Variants in CNTN5 observed in about 807,000 individuals in gnomAD.
The protein encoded by CNTN5 is contactin 5, also known as contactin-5.
Under a neutral mutation model 129.1 loss-of-function variants are expected in CNTN5, and 77 were observed. The ratio of observed to expected loss-of-function variants is 0.60; its 90% confidence interval spans 0.50 to 0.72. CNTN5 has a LOEUF of 0.72. Among genes scored for constraint, CNTN5 ranks in the 30% least tolerant of loss-of-function variants. The pLI, the probability that CNTN5 is intolerant of heterozygous loss-of-function variation, is 0.00. For synonymous variants in CNTN5, 509 were observed against 465.6 expected (o/e 1.09, Z -1.20); for missense variants, 1,478 against 1,328.8 (o/e 1.11, Z -1.75).
At chr11:100,265,910 A>G (rs1465015903) in intron 17 of CNTN5, among the ~76,000 whole-genome samples, 1 of 152,112 alleles carries the variant, frequency 6.6e-6, no homozygotes, top group South Asian at 2.1e-4. Flanking sequence ...TAGCTGACAT[A>G]GTTTTTGATT....
At chr11:99,181,359 G>T (rs1011889196) in intron 1 of CNTN5, among the ~76,000 whole-genome samples, 1 of 152,150 alleles carries the variant, frequency 6.6e-6, no homozygotes, top group Non-Finnish European at 1.5e-5. Flanking sequence ...TGTCTCATTT[G>T]GGTTTGGGCA....
chr11:99,346,802 G>A (rs979194568), intron 2 of CNTN5, among the ~76,000 whole-genome samples: 4 of 152,148 alleles, frequency 2.6e-5, no homozygotes, highest in African/African-American at 4.8e-5. Flanking sequence ...ACACAAGCTC[G>A]CTCTCTCCTG....
At chr11:100,151,123 T>C (rs1295480024) in intron 13 of CNTN5, among the ~76,000 whole-genome samples, 1 of 152,134 alleles carries the variant, frequency 6.6e-6, no homozygotes, top group African/African-American at 2.4e-5. Flanking sequence ...TCTGTGGTAT[T>C]TTGTTGTATG....
chr11:99,334,813 T>C (rs1374307210), intron 2 of CNTN5, among the ~76,000 whole-genome samples: 1 of 119,988 alleles, frequency 8.3e-6, no homozygotes, highest in Non-Finnish European at 1.7e-5. Context: ...TAACAAAATA[T>C]ATTTTTTAAA....
chr11:99,123,861 G>A (rs911617227), intron 1 of CNTN5, among the ~76,000 whole-genome samples: 1 of 151,956 alleles, frequency 6.6e-6, no homozygotes, highest in African/African-American at 2.4e-5. Flanking sequence ...GGTTGTAGGT[G>A]TGTAGCATTA....
chr11:99,368,563 T>C (rs1193281214), intron 2 of CNTN5, among the ~76,000 whole-genome samples: 1 of 152,166 alleles, frequency 6.6e-6, no homozygotes, highest in Non-Finnish European at 1.5e-5. Context: ...TGACAATTAT[T>C]TCATAAGCTT....
intron 1 of CNTN5, among the ~76,000 whole-genome samples, chr11:99,319,081 G>C (rs1865458033): frequency 6.6e-6 from 1 of 152,106 alleles, no homozygotes; most frequent in South Asian, 2.1e-4. Context: ...TATAGGCTCT[G>C]TGGGGGAAAA....
At chr11:100,337,600 AT>A in intron 21 of CNTN5, 1 of 730,822 alleles carries the variant, frequency 1.4e-6, no homozygotes, top group East Asian at 2.9e-5. Flanking sequence ...GAGGATGATC[AT>A]TTTAAATCCA....
At chr11:99,074,476 C>A (rs1417715534) in intron 1 of CNTN5, among the ~76,000 whole-genome samples, 1 of 152,124 alleles carries the variant, frequency 6.6e-6, no homozygotes, top group Non-Finnish European at 1.5e-5. Context: ...AGGACATAGG[C>A]ATGGCCAAAG....
At chr11:99,502,460 G>C (rs1021185624) in intron 2 of CNTN5, among the ~76,000 whole-genome samples, 8 of 152,024 alleles carry the variant, frequency 5.3e-5, no homozygotes, top group East Asian at 1.9e-4. Flanking sequence ...AATAGTGAGT[G>C]AGTTCTAAGG....
At position 99,737,093 on chromosome 11, in the gene CNTN5, A is replaced by C. The variant is rs993867546; in HGVS notation, c.56-82451A>C. ...TTTGCCCTCTTTTTTTACTTTTGTC[A>C]AAGGGAAAAAACTCTTTAACCACCC... On this transcript the variant is annotated intron_variant, in intron 3 of 24. Coordinates refer to ENST00000524871, the MANE Select transcript of CNTN5 (RefSeq NM_014361.4). Among the ~76,000 whole-genome samples the C allele has an allele frequency of 5.9e-5, 9 of 151,878 alleles. No individual in the cohort carries two copies. In the East Asian group the frequency reaches 1.7e-3, roughly 29 times the overall value.
chr11:99,663,469 A>G (rs1055770073), intron 3 of CNTN5, among the ~76,000 whole-genome samples: 10 of 152,218 alleles, frequency 6.6e-5, no homozygotes, highest in Admixed American at 6.5e-5. Flanking sequence ...CTCCGTCTCA[A>G]AAAACAATGA....
At chr11:100,193,928 C>T (rs1181550278) in intron 15 of CNTN5, among the ~76,000 whole-genome samples, 1 of 151,846 alleles carries the variant, frequency 6.6e-6, no homozygotes, top group African/African-American at 2.4e-5. Flanking sequence ...TTACACAATA[C>T]TTCTCAAAAG....
At chr11:100,185,450 G>A (rs1292565855) in intron 13 of CNTN5, among the ~76,000 whole-genome samples, 1 of 152,080 alleles carries the variant, frequency 6.6e-6, no homozygotes, top group Non-Finnish European at 1.5e-5. Context: ...TTGTCCCTGA[G>A]AATGGGGCAG....
At chr11:99,282,683 G>T (rs1030278955) in intron 1 of CNTN5, among the ~76,000 whole-genome samples, 4 of 152,056 alleles carry the variant, frequency 2.6e-5, no homozygotes, top group African/African-American at 9.7e-5. Context: ...ACACAGAAAA[G>T]TTACCACTGA....
chr11:100,028,176 C>T (rs895113971), intron 9 of CNTN5, among the ~76,000 whole-genome samples: 2 of 151,956 alleles, frequency 1.3e-5, no homozygotes, highest in Non-Finnish European at 2.9e-5. Context: ...CAGTAAAGTA[C>T]TAATTTAACC....
chr11:100,265,751 G>T (rs1206229937), intron 17 of CNTN5, among the ~76,000 whole-genome samples: 1 of 152,076 alleles, frequency 6.6e-6, no homozygotes, highest in Non-Finnish European at 1.5e-5. Flanking sequence ...TCCTGCAAAT[G>T]AGACTAAAAT....
At chr11:99,309,466 C>G (rs1280903556) in intron 1 of CNTN5, among the ~76,000 whole-genome samples, 1 of 152,236 alleles carries the variant, frequency 6.6e-6, no homozygotes, top group Non-Finnish European at 1.5e-5. Flanking sequence ...CAACAAAAGA[C>G]TCTTGATTCT....
chr11:99,804,357 A>G (rs1342881888), intron 3 of CNTN5, among the ~76,000 whole-genome samples: 1 of 152,094 alleles, frequency 6.6e-6, no homozygotes, highest in Admixed American at 6.5e-5. Context: ...TAACAAAAAC[A>G]TAATGTGATA....
Sources: gnomAD v4.1 joint callset for allele counts (sites outside exome capture counted in the v4.1 genomes callset) on GRCh38, gnomAD v4.1.1 for gene constraint, MANE v1.5 for transcripts, NCBI Gene and HGNC (gene_info 2026-07-23, HGNC 2026-07-21) for gene names.